Variants in WNK3 observed in about 807,000 individuals in gnomAD.
The protein encoded by WNK3 is serine/threonine-protein kinase WNK3.
A neutral mutation model predicts 116.7 loss-of-function variants in WNK3; 18 were observed. That is an observed-to-expected ratio of 0.15 (90% CI 0.11 to 0.23). The LOEUF (loss-of-function observed/expected upper bound fraction) is 0.23. Among genes scored for constraint, WNK3 ranks in the 10% least tolerant of loss-of-function variants. The probability of loss-of-function intolerance (pLI) is 1.00; values close to 1 mark genes in which losing one functional copy is unlikely to be tolerated. For missense variants in WNK3, 993 were observed against 1,323.8 expected, an observed-to-expected ratio of 0.75 and a Z score of 3.88; for synonymous variants, 404 against 469.4, an observed-to-expected ratio of 0.86 and a Z score of 1.80.
At chrX:54,273,508 C>T (rs1169818862) in intron 10 of WNK3, among the ~76,000 whole-genome samples, 2 of 111,772 alleles carry the variant, frequency 1.8e-5, no homozygotes, top group African/African-American at 6.5e-5. Context: ...TGCCACTGCA[C>T]TCCAGCCTGG....
At chrX:54,249,657 C>T (rs1557153694) in intron 16 of WNK3, 23 bp from the exon 17 acceptor site, 2 of 1,171,696 alleles carry the variant, frequency 1.7e-6, no homozygotes, top group Admixed American at 2.2e-5. Flanking sequence ...TAAAGAATGG[C>T]TAAGCACGTA....
chrX:54,253,967 C>G lies in WNK3; in HGVS notation c.2359G>C (p.Asp787His), dbSNP rs1557154956. Residue 787 changes from aspartate (D) to histidine (H), a missense_variant, in exon 13 of 24, where the codon GAC becomes CAC. Asp to His is a moderately conservative substitution (Grantham distance 81, BLOSUM62 -1). Coordinates refer to ENST00000354646, the Ensembl canonical transcript of WNK3. ...GGTCTTACTGCACTTACCATATAGT[C>G]TGCAATATCCTCTGGCGCATCACCA... The G allele has an allele frequency of 8.4e-7, 1 of 1,195,893 alleles. No individual in the cohort carries two copies. The highest frequency in any genetic ancestry group is 2.3e-4 in the Middle Eastern group (1 of 4,311).
chrX:54,289,362 G>A (rs1335735187), intron 10 of WNK3, among the ~76,000 whole-genome samples: 1 of 110,719 alleles, frequency 9.0e-6, no homozygotes, highest in East Asian at 2.8e-4. Context: ...ATATCACAAA[G>A]GGCAGCTGCT....
chrX:54,314,866 A>G (rs184758353), intron 2 of WNK3, among the ~76,000 whole-genome samples: 4 of 111,473 alleles, frequency 3.6e-5, no homozygotes, highest in Non-Finnish European at 7.5e-5. Context: ...AAACATATTT[A>G]TCTGTTTTAA....
At chrX:54,226,094 CCAAAAAAAAAAAA>C (rs1347129598) in intron 22 of WNK3, among the ~76,000 whole-genome samples, 2 of 11,997 alleles carry the variant, frequency 1.7e-4, no homozygotes, top group East Asian at 0.056. Flanking sequence ...ATCCACATAC[CCAAAAAAAAAAAA>C]AAAAAAAAAA....
intron 1 of WNK3, among the ~76,000 whole-genome samples, chrX:54,350,394 A>T (rs781873870): frequency 9.2e-5 from 10 of 109,056 alleles, no homozygotes; most frequent in African/African-American, 3.0e-4. Flanking sequence ...TGGGTGACAG[A>T]ATGAGACTCT....
chrX:54,224,609 G>A (rs184562641), intron 22 of WNK3, among the ~76,000 whole-genome samples: 62 of 107,609 alleles, frequency 5.8e-4, no homozygotes, highest in African/African-American at 1.9e-3. Context: ...TCGCTCTGTC[G>A]CCCAGGCTGG....
intron 2 of WNK3, among the ~76,000 whole-genome samples, chrX:54,321,998 A>G (rs1358337515): frequency 3.7e-5 from 4 of 109,286 alleles, no homozygotes; most frequent in Non-Finnish European, 5.7e-5. Context: ...AAAAAAAAAA[A>G]GAAAGAAAAA....
chrX:54,202,065 T>C lies in WNK3; in HGVS notation c.4999A>G (p.Ile1667Val), dbSNP rs782819287. The change falls in exon 23 of 24, where the codon ATT (isoleucine) becomes GTT (valine). Residue 1667 changes from isoleucine to valine, a missense_variant. Physicochemically the swap from Ile to Val is conservative, Grantham distance 29 (BLOSUM62 3). Transcript: ENST00000354646. ...TTAAGTTGGTTTAAACTTGGCTTAA[T>C]AAGAGAATTTCCTACTGCTTCCTTT... is the stretch of plus-strand genomic sequence containing the variant. 5.0e-5 allele frequency: 60 copies of C among 1,209,856 alleles called. No individual in the cohort carries two copies. Among genetic ancestry groups the C allele is most frequent in the Non-Finnish European group, 5.8e-5 (52 of 895,086 alleles).
intron 1 of WNK3, among the ~76,000 whole-genome samples, chrX:54,345,274 CTATA>C (rs201098774): frequency 8.1e-5 from 5 of 61,951 alleles, no homozygotes; most frequent in Admixed American, 4.2e-4. Flanking sequence ...ACAACAACAA[CTATA>C]TATATATGTA....
intron 22 of WNK3, among the ~76,000 whole-genome samples, chrX:54,227,205 T>A (rs1411079663): frequency 9.0e-6 from 1 of 111,387 alleles, no homozygotes; most frequent in Non-Finnish European, 1.9e-5. Context: ...TCTTAAAAAT[T>A]TTTTTTTCTT....
chrX:54,270,319 G>C (rs1297128086), intron 10 of WNK3, among the ~76,000 whole-genome samples: 1 of 109,584 alleles, frequency 9.1e-6, no homozygotes, highest in African/African-American at 3.3e-5. Flanking sequence ...TGGTCAGGCT[G>C]GTCTTGAACT....
chrX:54,215,032 G>C (rs2067667846), intron 22 of WNK3, among the ~76,000 whole-genome samples: 1 of 104,600 alleles, frequency 9.6e-6, no homozygotes. Flanking sequence ...CAGGAGAATG[G>C]TGTGAACCCG....
At chrX:54,221,559 C>T (rs1254830233) in intron 22 of WNK3, among the ~76,000 whole-genome samples, 2 of 111,620 alleles carry the variant, frequency 1.8e-5, no homozygotes, top group African/African-American at 3.3e-5. Context: ...AGAGGCCAGG[C>T]GAGGTGGCTC....
intron 12 of WNK3, among the ~76,000 whole-genome samples, chrX:54,254,804 A>G (rs1183095528): frequency 1.8e-5 from 2 of 111,923 alleles, no homozygotes; most frequent in African/African-American, 3.2e-5. Flanking sequence ...AGGAAGGCAT[A>G]CATGATATAT....
chrX:54,266,470 T>C (rs1438080526), intron 10 of WNK3, among the ~76,000 whole-genome samples: 1 of 111,531 alleles, frequency 9.0e-6, no homozygotes, highest in Non-Finnish European at 1.9e-5. Context: ...AAAGGATAAA[T>C]GCTTGAGGTG....
At chrX:54,349,583 A>T in intron 1 of WNK3, among the ~76,000 whole-genome samples, 1 of 111,991 alleles carries the variant, frequency 8.9e-6, no homozygotes, top group Middle Eastern at 4.6e-3. Flanking sequence ...TTCAATCAAA[A>T]TCCCAAAGAG....
chrX:54,308,126 AT>A, intron 4 of WNK3, 47 bp from the exon 5 acceptor site: 5 of 1,020,231 alleles, frequency 4.9e-6, no homozygotes, highest in Non-Finnish European at 6.6e-6. Context: ...AGAAAAACGT[AT>A]CCACCAAGAT....
At chrX:54,232,543 G>A (rs1240111497) in intron 21 of WNK3, among the ~76,000 whole-genome samples, 2 of 112,021 alleles carry the variant, frequency 1.8e-5, no homozygotes, top group Non-Finnish European at 3.8e-5. Context: ...AAAAATTATT[G>A]TGGGGATTGG....
Sources: gnomAD v4.1 joint callset for allele counts (sites outside exome capture counted in the v4.1 genomes callset) on GRCh38, gnomAD v4.1.1 for gene constraint, MANE v1.5 for transcripts, NCBI Gene and HGNC (gene_info 2026-07-23, HGNC 2026-07-21) for gene names.